RIMS3: variants seen among roughly 807,000 people sequenced by gnomAD.
RIMS3 encodes the protein regulating synaptic membrane exocytosis protein 3.
Under a neutral mutation model 29.2 loss-of-function variants are expected in RIMS3, and 15 were observed. The ratio of observed to expected loss-of-function variants is 0.51; its 90% CI spans 0.34 to 0.79. The LOEUF (loss-of-function observed/expected upper bound fraction) is 0.79. Among genes scored for constraint, RIMS3 ranks in the 30% least tolerant of loss-of-function variants. RIMS3 has a pLI of 0.01. For synonymous variants in RIMS3, 161 were observed against 170.1 expected, an observed-to-expected ratio of 0.95 and a Z score of 0.41; for missense variants, 342 against 421.4, an observed-to-expected ratio of 0.81 and a Z score of 1.65.
rs144271173 is a variant in RIMS3 at position 40,657,422 on chromosome 1, A to G, written c.-207+7972T>C. Among the ~76,000 whole-genome samples the G allele has an allele frequency of 1.2e-3, 176 of 152,296 alleles. 3 individuals are homozygous for G. The highest frequency in any genetic ancestry group is 4.1e-3 in the African/African-American group (171 of 41,550). On this transcript the variant is annotated intron_variant, in intron 1 of 7. Coordinates refer to ENST00000372684, the MANE Select transcript of RIMS3 (RefSeq NM_014747.3). ...AAGAGCTTTAAAATCTAGCCTGTAA[A>G]TGCCTAAACTGCAGTTTCCTTGTCT... is the stretch of plus-strand genomic sequence containing the variant.
intron 2 of RIMS3, among the ~76,000 whole-genome samples, chr1:40,646,412 T>C (rs1431409628): frequency 6.6e-6 from 1 of 152,090 alleles, no homozygotes; most frequent in African/African-American, 2.4e-5. Context: ...GTGTCACATG[T>C]TGGTGATTCC....
the RIMS3 span, among the ~76,000 whole-genome samples, chr1:40,676,374 C>T: frequency 6.6e-6 from 1 of 152,218 alleles, no homozygotes; most frequent in East Asian, 1.9e-4. Context: ...GTGCCCCTGA[C>T]ATCCTGGCTC....
At position 40,636,305 on chromosome 1, in the gene RIMS3, T is replaced by C. The variant is rs1394057636; in HGVS notation, c.218-248A>G. The stretch of plus-strand genomic sequence containing the variant: ...AGAAAGATGGCTGCAGGCAGAGTCA[T>C]GATGGCGCCACCACGCAGAGCCGCA... On this transcript the variant is annotated intron_variant, in intron 3 of 7. Transcript: ENST00000372684. The surrounding 1 kb of genome is among the most constrained non-coding windows in gnomAD (Gnocchi z 4.2). Among the ~76,000 whole-genome samples the C allele has an allele frequency of 2.0e-5, 3 of 152,162 alleles. No homozygotes were observed. The highest frequency in any genetic ancestry group is 4.8e-5 in the African/African-American group (2 of 41,426).
chr1:40,684,559 G>A, the RIMS3 span, among the ~76,000 whole-genome samples: 3 of 152,170 alleles, frequency 2.0e-5, no homozygotes, highest in African/African-American at 7.2e-5. Context: ...TATATGAGGG[G>A]CACAGCCATG....
chr1:40,678,097 C>T, the RIMS3 span, among the ~76,000 whole-genome samples: 1 of 152,052 alleles, frequency 6.6e-6, no homozygotes, highest in Non-Finnish European at 1.5e-5. Flanking sequence ...TCTATCCCTC[C>T]CTCAGTATCT....
chr1:40,633,388 G>A (rs899019750), intron 4 of RIMS3, among the ~76,000 whole-genome samples: 38 of 152,232 alleles, frequency 2.5e-4, no homozygotes, highest in African/African-American at 9.2e-4. Context: ...ATACTTTGAT[G>A]TCACTTGAGA....
chr1:40,655,112 G>A (rs1471147857), intron 1 of RIMS3, among the ~76,000 whole-genome samples: 1 of 152,216 alleles, frequency 6.6e-6, no homozygotes, highest in African/African-American at 2.4e-5. Flanking sequence ...CTGCTGCGAG[G>A]TCCCAGGGAC....
intron 4 of RIMS3, among the ~76,000 whole-genome samples, chr1:40,634,642 TGTAA>T (rs1359772809): frequency 6.6e-6 from 1 of 152,146 alleles, no homozygotes; most frequent in Non-Finnish European, 1.5e-5. Flanking sequence ...TCAGGGTTGC[TGTAA>T]GTGTTAAATG....
chr1:40,674,267 G>A, the RIMS3 span, among the ~76,000 whole-genome samples: 897 of 152,290 alleles, frequency 5.9e-3, 10 homozygotes, highest in African/African-American at 0.021. Flanking sequence ...AATGTTCTGG[G>A]CAGGAAATCT....
Position 40,635,881 on chromosome 1 carries a change from G to A in RIMS3, c.359+35C>T, listed in dbSNP as rs1646515641. ...GGCTCTGTGACTGGAGGACCGAGGA[G>A]GAGGGAGGGGACCACAGCACGGGGC... On this transcript the variant is annotated intron_variant, in intron 4 of 7. Coordinates refer to ENST00000372684, the MANE Select transcript of RIMS3 (RefSeq NM_014747.3). This position sits in a 1 kb window ranked among gnomAD's most constrained non-coding sequence, Gnocchi z 4.1. 1 of 1,606,486 alleles carries A rather than the reference G, an allele frequency of 6.2e-7. No individual in the cohort carries two copies. The highest frequency in any genetic ancestry group is 1.7e-5 in the Admixed American group (1 of 59,862).
chr1:40,659,025 A>G (rs1388956470), intron 1 of RIMS3, among the ~76,000 whole-genome samples: 1 of 152,204 alleles, frequency 6.6e-6, no homozygotes, highest in Admixed American at 6.5e-5. Context: ...ACAGCGAGTA[A>G]GAGATGTAGA....
chr1:40,640,711 A>G (rs1358701205), intron 3 of RIMS3, among the ~76,000 whole-genome samples: 1 of 152,224 alleles, frequency 6.6e-6, no homozygotes, highest in Non-Finnish European at 1.5e-5. Context: ...TATGTATGTC[A>G]CAAGGTGGTC....
At chr1:40,660,983 A>T (rs968125736) in intron 1 of RIMS3, among the ~76,000 whole-genome samples, 1 of 152,120 alleles carries the variant, frequency 6.6e-6, no homozygotes, top group Admixed American at 6.6e-5. Flanking sequence ...TTCCCAGGTG[A>T]GAGAGTCCTC....
At chr1:40,641,424 G>T (rs768379813) in intron 3 of RIMS3, among the ~76,000 whole-genome samples, 1 of 152,230 alleles carries the variant, frequency 6.6e-6, no homozygotes, top group Non-Finnish European at 1.5e-5. Context: ...CAGCTAGGAA[G>T]CCCAACTGCT....
intron 2 of RIMS3, among the ~76,000 whole-genome samples, chr1:40,643,137 T>C (rs1382004748): frequency 2.0e-5 from 3 of 152,012 alleles, no homozygotes; most frequent in Non-Finnish European, 4.4e-5. Context: ...TATTTGTATT[T>C]ATTTATTTAT....
the RIMS3 span, chr1:40,690,944 G>A: frequency 6.6e-6 from 1 of 152,210 alleles, no homozygotes; most frequent in East Asian, 1.9e-4. Flanking sequence ...TTCGGATGGG[G>A]TTTTGACACT....
intron 3 of RIMS3, among the ~76,000 whole-genome samples, chr1:40,640,335 T>C (rs1337627737): frequency 2.0e-5 from 3 of 152,014 alleles, no homozygotes; most frequent in African/African-American, 7.2e-5. Context: ...TCTGATAACC[T>C]CAAGCCCCTT....
chr1:40,675,276 GAA>G, the RIMS3 span, among the ~76,000 whole-genome samples: 3 of 140,662 alleles, frequency 2.1e-5, no homozygotes, highest in African/African-American at 5.2e-5. Flanking sequence ...CCTGTCTCAG[GAA>G]AAAAAAAAAA....
the RIMS3 span, among the ~76,000 whole-genome samples, chr1:40,678,051 AC>A: frequency 6.6e-6 from 1 of 152,238 alleles, no homozygotes; most frequent in South Asian, 2.1e-4. Context: ...CTTATGGAAC[AC>A]TTGGCAGAAG....
Sources: allele counts gnomAD v4.1 joint callset (sites outside exome capture counted in the v4.1 genomes callset), GRCh38; gene constraint gnomAD v4.1.1; non-coding constraint Gnocchi (gnomAD v3.1); transcripts MANE v1.5; gene names NCBI Gene and HGNC (gene_info 2026-07-23, HGNC 2026-07-21).